STOX2: variants seen among roughly 807,000 people sequenced by gnomAD.
STOX2 encodes storkhead-box protein 2.
Under a neutral mutation model 60.9 loss-of-function variants are expected in STOX2, and 28 were observed. The observed-to-expected ratio is 0.46, with a 90% CI of 0.34 to 0.63. STOX2 has a LOEUF of 0.63. STOX2 is among the 30% of genes least tolerant of loss of function. The pLI is 0.01. For missense variants in STOX2, 1,024 were observed against 1,187.7 expected (o/e 0.86, Z 2.03); for synonymous variants, 472 against 463.9 (o/e 1.02, Z -0.22).
chr4:183,929,669 G>A (rs542389750), intron 1 of STOX2, among the ~76,000 whole-genome samples: 1 of 152,052 alleles, frequency 6.6e-6, no homozygotes, highest in African/African-American at 2.4e-5. Context: ...CTCACTTCGC[G>A]CTGCCATTCC....
At chr4:183,800,383 G>A (rs534794826) in intron 1 of STOX2, among the ~76,000 whole-genome samples, 2 of 152,156 alleles carry the variant, frequency 1.3e-5, no homozygotes, top group African/African-American at 4.8e-5. Flanking sequence ...GATGTTATAG[G>A]AATAGCCTAG....
At chr4:183,878,567 G>A (rs1740882895) in intron 1 of STOX2, among the ~76,000 whole-genome samples, 2 of 152,112 alleles carry the variant, frequency 1.3e-5, no homozygotes, top group Admixed American at 6.6e-5. Flanking sequence ...ATGCAATCTT[G>A]GTGTTGAAAG....
intron 3 of STOX2, among the ~76,000 whole-genome samples, chr4:184,012,547 G>A (rs1020667629): frequency 6.6e-6 from 1 of 152,126 alleles, no homozygotes; most frequent in African/African-American, 2.4e-5. Flanking sequence ...TAATTGCTTT[G>A]TCCCATATTA....
chr4:183,800,718 G>A lies in STOX2; in HGVS notation c.364+2663G>A, dbSNP rs570166929. ...TGCTTAAGTCTTATCATTCTTGTGG[G>A]GGATACAGATTATTTATAAAAATTG... On this transcript the variant is annotated intron_variant, in intron 1 of 2. Coordinates refer to the STOX2 transcript ENST00000513034. Among the ~76,000 whole-genome samples, 69 of 152,258 alleles carry A rather than the reference G, an allele frequency of 4.5e-4. 1 individual carries two copies. In the South Asian group the frequency reaches 0.013, roughly 29 times the overall value.
At chr4:183,917,277 C>G (rs973175921) in intron 1 of STOX2, among the ~76,000 whole-genome samples, 1 of 152,222 alleles carries the variant, frequency 6.6e-6, no homozygotes, top group South Asian at 2.1e-4. Flanking sequence ...GATCGGTAAT[C>G]GTGACCCACT....
chr4:183,947,319 G>C (rs1038975833), intron 1 of STOX2, among the ~76,000 whole-genome samples: 1 of 151,964 alleles, frequency 6.6e-6, no homozygotes, highest in African/African-American at 2.4e-5. Context: ...TTTGATCGTT[G>C]GTTGGCTGGA....
chr4:183,841,333 G>C lies in STOX2; in HGVS notation c.364+43278G>C, dbSNP rs558909170. Among the ~76,000 whole-genome samples the C allele has an allele frequency of 2.0e-5, 3 of 151,996 alleles. No individual in the cohort carries two copies. In the East Asian group the frequency reaches 5.8e-4, roughly 29 times the overall value. On this transcript the variant is annotated intron_variant, in intron 1 of 2. Transcript: ENST00000513034. ...CTATAGGTGCATGCCACCACACCAGGCTAGTACTGTAGGTGCATGCCACCA... is the reference window on the plus strand; with the variant it reads ...CTATAGGTGCATGCCACCACACCAGCCTAGTACTGTAGGTGCATGCCACCA...
intron 1 of STOX2, among the ~76,000 whole-genome samples, chr4:183,971,887 A>G (rs886901944): frequency 4.6e-5 from 7 of 152,210 alleles, no homozygotes; most frequent in Non-Finnish European, 8.8e-5. Flanking sequence ...TGCATGGTGC[A>G]GCAGGCACCG....
intron 1 of STOX2, among the ~76,000 whole-genome samples, chr4:183,799,622 G>C (rs1738714887): frequency 6.6e-6 from 1 of 151,754 alleles, no homozygotes; most frequent in East Asian, 1.9e-4. Context: ...TCAATGGCAT[G>C]GCCGGTCTTA....
intron 1 of STOX2, among the ~76,000 whole-genome samples, chr4:183,882,843 A>G (rs1485360434): frequency 6.6e-6 from 1 of 152,230 alleles, no homozygotes; most frequent in Non-Finnish European, 1.5e-5. Context: ...CGGGGCTAGA[A>G]CTGCAATTTC....
At chr4:183,858,409 G>A (rs944690293) in intron 1 of STOX2, among the ~76,000 whole-genome samples, 1 of 152,166 alleles carries the variant, frequency 6.6e-6, no homozygotes, top group Non-Finnish European at 1.5e-5. Flanking sequence ...TTCTGCTGTC[G>A]TTGCGCTCAG....
intron 3 of STOX2, among the ~76,000 whole-genome samples, chr4:184,013,700 C>A (rs1236633203): frequency 3.9e-5 from 6 of 152,238 alleles, no homozygotes. Flanking sequence ...TATTTGACTA[C>A]TAGAAACTTT....
intron 1 of STOX2, among the ~76,000 whole-genome samples, chr4:183,818,610 G>A (rs1050509005): frequency 2.6e-5 from 4 of 152,246 alleles, no homozygotes; most frequent in African/African-American, 9.6e-5. Flanking sequence ...GAGCTGTTGA[G>A]TACACCTCCC....
intron 1 of STOX2, among the ~76,000 whole-genome samples, chr4:183,801,127 G>C (rs765640404): frequency 6.6e-6 from 1 of 152,246 alleles, no homozygotes. Flanking sequence ...TGGACAACAA[G>C]GAGATAATTA....
Position 184,001,572 on chromosome 4 carries a change from A to T in STOX2, c.319+95A>T. Reference sequence around the variant, plus strand: ...TGTTCTGCCCATGTTTAAAGAGAATAGGAAAACATTCTTCCCCAAAACTGA... The same window carrying T: ...TGTTCTGCCCATGTTTAAAGAGAATTGGAAAACATTCTTCCCCAAAACTGA... On this transcript the variant is annotated intron_variant, in intron 2 of 3. Transcript: ENST00000308497. This position sits in a 1 kb window ranked among gnomAD's most constrained non-coding sequence, Gnocchi z 4.2. The T allele has an allele frequency of 8.1e-7, 1 of 1,240,976 alleles. No homozygotes were observed. 76.9% of individuals were successfully genotyped at this position (1,240,976 alleles called of 1,614,324 possible).
rs536620929 is a variant in STOX2 at position 184,010,536 on chromosome 4, G to A, written c.1698G>A (p.Pro566=). The change falls in exon 3 of 4, where the codon CCG becomes CCA. Residue 566 remains proline (P), a synonymous_variant. Transcript: ENST00000308497. The surrounding 1 kb of genome is among the most constrained non-coding windows in gnomAD (Gnocchi z 4.5). ...IPEIVSGSKE[P]SSACSLLEPG... ...AGATAGTCAGTGGCAGCAAGGAACCGTCCAGCGCTTGCAGCCTTTTGGAGC... is the reference window on the plus strand; with the variant it reads ...AGATAGTCAGTGGCAGCAAGGAACCATCCAGCGCTTGCAGCCTTTTGGAGC... The A allele has an allele frequency of 7.2e-5, 117 of 1,613,856 alleles. No homozygotes were observed. Among genetic ancestry groups the A allele is most frequent in the South Asian group, 5.9e-4 (54 of 91,052 alleles).
chr4:183,972,611 C>T (rs944675390), intron 1 of STOX2, among the ~76,000 whole-genome samples: 1 of 152,182 alleles, frequency 6.6e-6, no homozygotes, highest in South Asian at 2.1e-4. Context: ...AAGTGACATT[C>T]AGCTGACAGG....
intron 1 of STOX2, among the ~76,000 whole-genome samples, chr4:183,818,892 G>A (rs550642368): frequency 9.9e-5 from 15 of 151,420 alleles, no homozygotes; most frequent in East Asian, 7.8e-4. Flanking sequence ...AGAGGCGCGC[G>A]TCACTTCCTA....
intron 1 of STOX2, among the ~76,000 whole-genome samples, chr4:183,843,608 G>A (rs1374807884): frequency 2.0e-5 from 3 of 152,210 alleles, no homozygotes; most frequent in Admixed American, 1.3e-4. Flanking sequence ...TATGGAAATC[G>A]CATGAGCGTG....
Sources: allele counts gnomAD v4.1 joint callset (sites outside exome capture counted in the v4.1 genomes callset), GRCh38; gene constraint gnomAD v4.1.1; non-coding constraint Gnocchi (gnomAD v3.1); transcripts MANE v1.5; gene names NCBI Gene and HGNC (gene_info 2026-07-23, HGNC 2026-07-21).